Variants in PRR16 observed in about 807,000 individuals in gnomAD.
PRR16 encodes protein Largen.
Under a neutral mutation model 18.2 loss-of-function variants are expected in PRR16, and 6 were observed. The ratio of observed to expected loss-of-function variants is 0.33; its 90% confidence interval spans 0.18 to 0.65. PRR16 has a LOEUF of 0.65. PRR16 is among the 30% of genes least tolerant of loss of function. The pLI is 0.74. For missense variants in PRR16, 412 were observed against 376.6 expected, an observed-to-expected ratio of 1.09 and a Z score of -0.78; for synonymous variants, 151 against 147.8, an observed-to-expected ratio of 1.02 and a Z score of -0.16.
intron 1 of PRR16, among the ~76,000 whole-genome samples, chr5:120,574,053 A>G (rs1347283777): frequency 6.6e-6 from 1 of 152,120 alleles, no homozygotes; most frequent in Non-Finnish European, 1.5e-5. Flanking sequence ...TTTCAAAAAA[A>G]TACAGAAGCT....
chr5:120,771,181 T>C, the PRR16 span, among the ~76,000 whole-genome samples: 2 of 152,046 alleles, frequency 1.3e-5, no homozygotes, highest in Non-Finnish European at 1.5e-5. Flanking sequence ...TGAACCATCT[T>C]TAGGTATACT....
At chr5:120,521,882 T>C (rs1032022994) in intron 1 of PRR16, among the ~76,000 whole-genome samples, 2 of 152,174 alleles carry the variant, frequency 1.3e-5, no homozygotes, top group African/African-American at 4.8e-5. Flanking sequence ...CCAAGTTTTC[T>C]CATTGTTCAA....
the PRR16 span, among the ~76,000 whole-genome samples, chr5:120,728,102 ATAAAG>A: frequency 1.3e-5 from 2 of 152,020 alleles, no homozygotes; most frequent in Non-Finnish European, 2.9e-5. Context: ...TAAATTATAC[ATAAAG>A]TAAATTTCAA....
the PRR16 span, among the ~76,000 whole-genome samples, chr5:120,721,395 A>T: frequency 6.6e-6 from 1 of 152,060 alleles, no homozygotes; most frequent in Non-Finnish European, 1.5e-5. Flanking sequence ...GTTAGGAAGA[A>T]GGGGCATATA....
the PRR16 span, among the ~76,000 whole-genome samples, chr5:120,753,854 TATA>T: frequency 2.0e-3 from 203 of 102,262 alleles, no homozygotes; most frequent in African/African-American, 4.4e-3. Flanking sequence ...ATATATTATA[TATA>T]ATATCTTATA....
intron 1 of PRR16, among the ~76,000 whole-genome samples, chr5:120,594,323 G>A (rs955566128): frequency 3.3e-5 from 5 of 152,018 alleles, no homozygotes; most frequent in Non-Finnish European, 7.4e-5. Context: ...CATCCAAGCT[G>A]AGAGCCAAAT....
chr5:120,612,832 A>T (rs186827423), intron 1 of PRR16, among the ~76,000 whole-genome samples: 1 of 152,222 alleles, frequency 6.6e-6, no homozygotes. Context: ...TGAAATATGT[A>T]TATAATATTA....
chr5:120,532,232 G>T (rs946261513), intron 1 of PRR16, among the ~76,000 whole-genome samples: 2 of 152,046 alleles, frequency 1.3e-5, no homozygotes, highest in Non-Finnish European at 2.9e-5. Context: ...TTTAGGTAAA[G>T]ATATTATACA....
chr5:120,517,655 C>G (rs1470163103), intron 1 of PRR16, among the ~76,000 whole-genome samples: 3 of 151,982 alleles, frequency 2.0e-5, no homozygotes. Flanking sequence ...ATTGATTGTT[C>G]TTTTTCGACA....
the PRR16 span, among the ~76,000 whole-genome samples, chr5:120,715,542 T>C: frequency 1.4e-4 from 22 of 152,330 alleles, no homozygotes; most frequent in Admixed American, 9.2e-4. Context: ...TTGAGGACTA[T>C]TGTGTGTTAA....
chr5:120,664,752 C>G (rs572226198), intron 1 of PRR16, among the ~76,000 whole-genome samples: 8 of 142,322 alleles, frequency 5.6e-5, no homozygotes, highest in Non-Finnish European at 1.3e-4. Context: ...ATGATGATTT[C>G]CAATTTCATC....
chr5:120,756,905 T>TG, the PRR16 span, among the ~76,000 whole-genome samples: 3 of 152,138 alleles, frequency 2.0e-5, no homozygotes, highest in African/African-American at 7.2e-5. Flanking sequence ...TAGGTTTTCT[T>TG]GGGGAAACCT....
chr5:120,709,208 C>T, the PRR16 span, among the ~76,000 whole-genome samples: 3 of 151,702 alleles, frequency 2.0e-5, no homozygotes, highest in Non-Finnish European at 2.9e-5. Context: ...GGGGTTTCAC[C>T]ATGTTAGCCA....
At chr5:120,754,456 T>TATATATATATATATA in the PRR16 span, among the ~76,000 whole-genome samples, 1 of 28,356 alleles carries the variant, frequency 3.5e-5, no homozygotes, top group East Asian at 3.2e-3. Context: ...TATTATATAA[T>TATATATATATATATA]ATATAGTATA....
chr5:120,663,200 A>G (rs906684751), intron 1 of PRR16, among the ~76,000 whole-genome samples: 1 of 148,108 alleles, frequency 6.8e-6, no homozygotes, highest in Non-Finnish European at 1.5e-5. Context: ...TCAAGATAAA[A>G]CCCCCCTTTT....
At chr5:120,500,604 A>C (rs926845560) in intron 1 of PRR16, among the ~76,000 whole-genome samples, 1 of 152,234 alleles carries the variant, frequency 6.6e-6, no homozygotes, top group Admixed American at 6.5e-5. Context: ...ATGAATCTCA[A>C]AAGTATGGCA....
intron 1 of PRR16, among the ~76,000 whole-genome samples, chr5:120,655,873 T>A (rs1429245565): frequency 6.6e-6 from 1 of 151,884 alleles, no homozygotes; most frequent in Non-Finnish European, 1.5e-5. Context: ...TTGGTATCCA[T>A]CATTCCCAAT....
the PRR16 span, among the ~76,000 whole-genome samples, chr5:120,751,633 A>G: frequency 6.6e-6 from 1 of 152,148 alleles, no homozygotes; most frequent in Non-Finnish European, 1.5e-5. Context: ...CAAAAGAAAT[A>G]TAATAAGTAA....
intron 1 of PRR16, among the ~76,000 whole-genome samples, chr5:120,495,933 A>G (rs1476428528): frequency 1.3e-5 from 2 of 151,966 alleles, no homozygotes; most frequent in African/African-American, 4.8e-5. Context: ...TTAAAATTAA[A>G]TTATTAGCTG....
Sources: gnomAD v4.1 joint callset for allele counts (sites outside exome capture counted in the v4.1 genomes callset) on GRCh38, gnomAD v4.1.1 for gene constraint, MANE v1.5 for transcripts, NCBI Gene and HGNC (gene_info 2026-07-23, HGNC 2026-07-21) for gene names.